TEX11: variants seen among roughly 807,000 people sequenced by gnomAD.
TEX11 encodes the protein testis expressed 11, also known as testis-expressed protein 11.
TEX11 carries 7 observed loss-of-function variants against 84.4 expected under a neutral mutation model. That is an observed-to-expected ratio of 0.08 (90% CI 0.05 to 0.16). TEX11 has a LOEUF of 0.16. TEX11 is among the 10% of genes least tolerant of loss of function. TEX11 has a pLI of 1.00. For synonymous variants in TEX11, 264 were observed against 222.8 expected (o/e 1.18, Z -1.64); for missense variants, 551 against 660.5 (o/e 0.83, Z 1.82).
chrX:70,731,579 A>T (rs759483026), intron 11 of TEX11, among the ~76,000 whole-genome samples: 3 of 111,891 alleles, frequency 2.7e-5, no homozygotes, highest in East Asian at 5.6e-4. Flanking sequence ...TCCTCGATAC[A>T]TACACCCTCC....
chrX:70,520,050 A>G, the TEX11 span, among the ~76,000 whole-genome samples: 1 of 111,356 alleles, frequency 9.0e-6, no homozygotes, highest in Non-Finnish European at 1.9e-5. Context: ...CTTCCTTGCA[A>G]TGGGTTCGAA....
chrX:70,821,131 T>C (rs1273575447), intron 8 of TEX11, among the ~76,000 whole-genome samples: 1 of 111,792 alleles, frequency 8.9e-6, no homozygotes, highest in Non-Finnish European at 1.9e-5. Flanking sequence ...GTGCAAGATA[T>C]GTAAGGAACT....
intron 11 of TEX11, among the ~76,000 whole-genome samples, chrX:70,740,018 T>C (rs961356833): frequency 8.9e-6 from 1 of 112,000 alleles, no homozygotes; most frequent in African/African-American, 3.2e-5. Context: ...GAGTTGTTTT[T>C]AAAATTAAAT....
intron 9 of TEX11, among the ~76,000 whole-genome samples, chrX:70,766,635 T>C (rs1242140560): frequency 9.1e-6 from 1 of 110,278 alleles, no homozygotes; most frequent in East Asian, 2.8e-4. Flanking sequence ...AATCCTGAAA[T>C]GTATATGGAA....
At chrX:70,527,000 T>C (rs936893263), downstream of TEX11, among the ~76,000 whole-genome samples, 4 of 112,132 alleles carry the variant, frequency 3.6e-5, no homozygotes, top group African/African-American at 1.3e-4. Context: ...AATCCATTAG[T>C]CTGTACTAAA....
At chrX:70,785,970 T>A (rs1480367192) in intron 9 of TEX11, among the ~76,000 whole-genome samples, 1 of 111,995 alleles carries the variant, frequency 8.9e-6, no homozygotes, top group Non-Finnish European at 1.9e-5. Context: ...CATTACTGGG[T>A]ATATACCCAA....
At chrX:70,871,983 G>A (rs776173742) in intron 4 of TEX11, among the ~76,000 whole-genome samples, 49 of 95,719 alleles carry the variant, frequency 5.1e-4, no homozygotes, top group African/African-American at 1.8e-3. Context: ...ACCCCTTGCC[G>A]TCCCTTAAAA....
chrX:70,780,980 C>T (rs751360009), intron 9 of TEX11, among the ~76,000 whole-genome samples: 8 of 112,362 alleles, frequency 7.1e-5, no homozygotes, highest in Non-Finnish European at 1.3e-4. Flanking sequence ...TGTTTGAGCT[C>T]GGAGAATGGA....
intron 4 of TEX11, 32 bp from the exon 5 acceptor site, chrX:70,860,968 C>G: frequency 1.1e-6 from 1 of 935,481 alleles, no homozygotes; most frequent in Non-Finnish European, 1.5e-6. Flanking sequence ...ATGATAAACA[C>G]AAAACATTCA....
At chrX:70,882,521 C>T (rs1381182502) in intron 2 of TEX11, among the ~76,000 whole-genome samples, 3 of 111,391 alleles carry the variant, frequency 2.7e-5, no homozygotes, top group Non-Finnish European at 5.6e-5. Context: ...TGGCTCATGC[C>T]TGTAATCCTA....
intron 18 of TEX11, among the ~76,000 whole-genome samples, chrX:70,628,668 G>C (rs1430492077): frequency 8.9e-6 from 1 of 112,174 alleles, no homozygotes; most frequent in African/African-American, 3.2e-5. Context: ...GCCCAAAGTA[G>C]TTGCTAAATA....
At chrX:70,691,323 C>G (rs2090232705) in intron 13 of TEX11, among the ~76,000 whole-genome samples, 1 of 111,739 alleles carries the variant, frequency 8.9e-6, no homozygotes, top group Non-Finnish European at 1.9e-5. Context: ...GGTACATATC[C>G]AAAATAATTG....
At chrX:70,527,773 AT>A (rs747368331), downstream of TEX11, among the ~76,000 whole-genome samples, 87 of 111,752 alleles carry the variant, frequency 7.8e-4, no homozygotes, top group African/African-American at 2.7e-3. Flanking sequence ...ATGGGGCAGG[AT>A]GTCTGCAAAT....
chrX:70,708,186 CAT>C (rs754240108), intron 13 of TEX11, among the ~76,000 whole-genome samples: 4 of 111,307 alleles, frequency 3.6e-5, no homozygotes, highest in Non-Finnish European at 5.7e-5. Flanking sequence ...TGCCAACAAA[CAT>C]GTGAAAAAAT....
intron 8 of TEX11, among the ~76,000 whole-genome samples, chrX:70,816,698 T>C (rs1488810310): frequency 8.9e-5 from 9 of 100,854 alleles, no homozygotes; most frequent in African/African-American, 3.2e-4. Flanking sequence ...GGTGACAGAG[T>C]GAGTGAGACT....
chrX:70,786,709 A>T (rs894454117), intron 9 of TEX11, among the ~76,000 whole-genome samples: 2 of 112,079 alleles, frequency 1.8e-5, no homozygotes, highest in Non-Finnish European at 3.8e-5. Context: ...CATTAAAAGG[A>T]TCATTCACTA....
intron 9 of TEX11, among the ~76,000 whole-genome samples, chrX:70,762,465 G>A (rs914286489): frequency 1.8e-5 from 2 of 110,940 alleles, no homozygotes; most frequent in African/African-American, 6.5e-5. Flanking sequence ...GATGAGTGGC[G>A]GGGCAAGTGA....
chrX:70,597,442 A>C (rs1376931723), intron 24 of TEX11, among the ~76,000 whole-genome samples: 1 of 112,422 alleles, frequency 8.9e-6, no homozygotes, highest in African/African-American at 3.2e-5. Flanking sequence ...ATAGATGTCA[A>C]TGGAATAGAA....
At chrX:70,550,034 G>A (rs1187938921) in intron 28 of TEX11, among the ~76,000 whole-genome samples, 1 of 112,647 alleles carries the variant, frequency 8.9e-6, no homozygotes, top group African/African-American at 3.2e-5. Context: ...CCCTCCTCCA[G>A]CCCCAGGCAG....
Sources: allele counts gnomAD v4.1 joint callset (sites outside exome capture counted in the v4.1 genomes callset), GRCh38; gene constraint gnomAD v4.1.1; transcripts MANE v1.5; gene names NCBI Gene and HGNC (gene_info 2026-07-23, HGNC 2026-07-21).